Variants in RBFOX3 observed in about 807,000 individuals in gnomAD.
RBFOX3 encodes RNA binding protein fox-1 homolog 3.
In RBFOX3, 17 loss-of-function variants were observed where a neutral mutation model predicts 48.7. The ratio of observed to expected loss-of-function variants is 0.35; its 90% CI spans 0.24 to 0.52. The LOEUF is 0.52. Ranked by LOEUF, RBFOX3 falls within the 20% of genes least tolerant of loss-of-function variation. The pLI is 0.94. For synonymous variants in RBFOX3, 212 were observed against 209.5 expected, an observed-to-expected ratio of 1.01 and a Z score of -0.10; for missense variants, 382 against 497.5, an observed-to-expected ratio of 0.77 and a Z score of 2.21.
At chr17:79,651,490 G>A in the RBFOX3 span, among the ~76,000 whole-genome samples, 2 of 152,128 alleles carry the variant, frequency 1.3e-5, no homozygotes, top group East Asian at 3.9e-4. Flanking sequence ...GTTCCAGGTT[G>A]GTCTCTGTGA....
chr17:79,156,966 G>A (rs1343541270), intron 4 of RBFOX3, among the ~76,000 whole-genome samples: 1 of 152,186 alleles, frequency 6.6e-6, no homozygotes, highest in African/African-American at 2.4e-5. Context: ...TTTCATCCCT[G>A]GCAAGCTACA....
Position 79,160,679 on chromosome 17 carries a change from T to C in RBFOX3, c.-33-44931A>G, listed in dbSNP as rs1236634419. Among the ~76,000 whole-genome samples the C allele has an allele frequency of 3.3e-5, 5 of 151,934 alleles. No individual in the cohort carries two copies. The East Asian group carries it at 7.7e-4, about 23-fold the overall frequency. On this transcript the variant is annotated intron_variant, in intron 4 of 14. Transcript: ENST00000693108. ...TCATTCATTCATTCATTCATTCATT[T>C]TTTTCTTAATAAACATCTTGGCGAG...
At chr17:79,189,444 T>C (rs1463499807) in intron 4 of RBFOX3, among the ~76,000 whole-genome samples, 1 of 152,236 alleles carries the variant, frequency 6.6e-6, no homozygotes. Context: ...CTTGGCTCTC[T>C]CTCCTAACAG....
chr17:79,287,052 G>A (rs927165643), intron 3 of RBFOX3, among the ~76,000 whole-genome samples: 16 of 152,244 alleles, frequency 1.1e-4, no homozygotes, highest in Admixed American at 3.3e-4. Context: ...GACGCAGCTC[G>A]AGGGGCTCAC....
At chr17:79,612,237 C>T (rs1947989271), upstream of RBFOX3, among the ~76,000 whole-genome samples, 1 of 152,226 alleles carries the variant, frequency 6.6e-6, no homozygotes, top group Admixed American at 6.5e-5. Flanking sequence ...CATCGAAGGA[C>T]ATTTCCAAAT....
At chr17:79,116,436 A>G (rs1418578574) in intron 4 of RBFOX3, among the ~76,000 whole-genome samples, 1 of 152,216 alleles carries the variant, frequency 6.6e-6, no homozygotes, top group African/African-American at 2.4e-5. Context: ...AATCACTTCA[A>G]CCTGGGAGGC....
At chr17:79,568,560 C>A (rs1309457916) in intron 1 of RBFOX3, among the ~76,000 whole-genome samples, 1 of 152,190 alleles carries the variant, frequency 6.6e-6, no homozygotes, top group Admixed American at 6.5e-5. Context: ...GTTCCCCTGA[C>A]TCCCACCACA....
At chr17:79,521,738 C>CACATATACATACACAAAT (rs1237096919) in intron 1 of RBFOX3, among the ~76,000 whole-genome samples, 3 of 152,334 alleles carry the variant, frequency 2.0e-5, no homozygotes, top group African/African-American at 7.2e-5. Context: ...CACACACACA[C>CACATATACATACACAAAT]ACATATACAT....
chr17:79,096,203 T>C (rs1052190891), intron 12 of RBFOX3, among the ~76,000 whole-genome samples: 1 of 152,016 alleles, frequency 6.6e-6, no homozygotes, highest in Non-Finnish European at 1.5e-5. Flanking sequence ...TGTGGCCCCA[T>C]GAAGGGGGAG....
chr17:79,608,917 C>G (rs1410732587), intron 1 of RBFOX3, among the ~76,000 whole-genome samples: 4 of 151,986 alleles, frequency 2.6e-5, no homozygotes, highest in African/African-American at 4.8e-5. Flanking sequence ...AAGAAGGCTC[C>G]CCTCCTCCGC....
intron 2 of RBFOX3, among the ~76,000 whole-genome samples, chr17:79,431,541 G>A (rs1256655790): frequency 1.0e-4 from 14 of 135,622 alleles, no homozygotes; most frequent in African/African-American, 3.1e-4. Context: ...CTGGAGAGCA[G>A]TGGCACCATC....
At chr17:79,170,126 G>A (rs1282976440) in intron 4 of RBFOX3, among the ~76,000 whole-genome samples, 1 of 146,984 alleles carries the variant, frequency 6.8e-6, no homozygotes. Context: ...AAGGAAGGAA[G>A]GAAGGAGGAA....
rs2073566647 is a variant in RBFOX3 at position 79,089,772 on chromosome 17, C to G, written c.*1111G>C. On this transcript the variant is annotated 3_prime_UTR_variant, in exon 15 of 15. Transcript: ENST00000693108. Reference sequence around the variant, plus strand: ...CCCTGCCACCTGCTCTGCTCCTGCTCCTCCCACCGGGTAAGCCTGGCTGTC... The same window carrying G: ...CCCTGCCACCTGCTCTGCTCCTGCTGCTCCCACCGGGTAAGCCTGGCTGTC... The G allele has an allele frequency of 6.5e-6, 1 of 152,702 alleles. No homozygotes were observed. The highest frequency in any genetic ancestry group is 2.4e-5 in the African/African-American group (1 of 41,442). 9.5% of individuals were successfully genotyped at this position (152,702 alleles called of 1,614,324 possible).
chr17:79,248,290 G>A (rs931307766), intron 3 of RBFOX3, among the ~76,000 whole-genome samples: 1 of 151,972 alleles, frequency 6.6e-6, no homozygotes, highest in African/African-American at 2.4e-5. Context: ...CTGGAGTGCA[G>A]TGGCGCAATC....
Position 79,362,979 on chromosome 17 carries a change from C to T in RBFOX3, c.-174-55155G>A, listed in dbSNP as rs561979351. ...GTCCAGGACCCCTCTAGGGTTGGAGCGGGGTAAGCCCCAGAATATCTCACA... is the reference window on the plus strand; with the variant it reads ...GTCCAGGACCCCTCTAGGGTTGGAGTGGGGTAAGCCCCAGAATATCTCACA... On this transcript the variant is annotated intron_variant, in intron 2 of 14. Coordinates refer to ENST00000693108, the MANE Select transcript of RBFOX3 (RefSeq NM_001350451.2). This position sits in a 1 kb window ranked among gnomAD's most constrained non-coding sequence, Gnocchi z 4.2. Among the ~76,000 whole-genome samples, 37 of 152,302 alleles carry T rather than the reference C, an allele frequency of 2.4e-4. No individual in the cohort carries two copies. The highest frequency in any genetic ancestry group is 8.7e-4 in the African/African-American group (36 of 41,570).
At chr17:79,344,750 T>G (rs2082625509) in intron 2 of RBFOX3, among the ~76,000 whole-genome samples, 2 of 151,958 alleles carry the variant, frequency 1.3e-5, no homozygotes, top group African/African-American at 4.8e-5. Flanking sequence ...AGGTGAAGTT[T>G]TCACCATGTT....
chr17:79,097,462 C>G, intron 10 of RBFOX3, 38 bp from the exon 11 acceptor site: 1 of 1,506,230 alleles, frequency 6.6e-7, no homozygotes, highest in East Asian at 2.5e-5. Context: ...GTGAGAGGCA[C>G]AAGGGGACCC....
chr17:79,296,518 A>C (rs2074361348), intron 3 of RBFOX3, among the ~76,000 whole-genome samples: 1 of 152,166 alleles, frequency 6.6e-6, no homozygotes, highest in African/African-American at 2.4e-5. Flanking sequence ...CAGTCCCCTG[A>C]CTGGAGGAGG....
chr17:79,137,879 C>T (rs1308789457), intron 4 of RBFOX3, among the ~76,000 whole-genome samples: 1 of 152,204 alleles, frequency 6.6e-6, no homozygotes, highest in African/African-American at 2.4e-5. Flanking sequence ...TTGAGGGAGC[C>T]GCGGCCCGTT....
Sources: allele counts gnomAD v4.1 joint callset (sites outside exome capture counted in the v4.1 genomes callset), GRCh38; gene constraint gnomAD v4.1.1; non-coding constraint Gnocchi (gnomAD v3.1); transcripts MANE v1.5; gene names NCBI Gene and HGNC (gene_info 2026-07-23, HGNC 2026-07-21).